The following STK32B variants were observed in gnomAD, a reference collection of about 807,000 sequenced individuals.
STK32B encodes the protein serine/threonine kinase 32B.
In STK32B, 43 loss-of-function variants were observed where a neutral mutation model predicts 52.6. The observed-to-expected ratio is 0.82, with a 90% CI of 0.64 to 1.05. The LOEUF is 1.05. Ranked by LOEUF, STK32B falls within the 50% of genes least tolerant of loss-of-function variation. The pLI is 0.00. For missense variants in STK32B, 621 were observed against 534.6 expected, an observed-to-expected ratio of 1.16 and a Z score of -1.59; for synonymous variants, 238 against 204.3, an observed-to-expected ratio of 1.17 and a Z score of -1.41.
chr4:5,351,066 G>A (rs924043884), intron 4 of STK32B, among the ~76,000 whole-genome samples: 2 of 151,876 alleles, frequency 1.3e-5, no homozygotes, highest in Admixed American at 6.6e-5. Flanking sequence ...CACTTAGACT[G>A]AAAATTAACA....
chr4:5,442,216 C>T (rs1170406973), intron 6 of STK32B, among the ~76,000 whole-genome samples: 2 of 140,974 alleles, frequency 1.4e-5, no homozygotes, highest in African/African-American at 2.6e-5. Flanking sequence ...TTAAAGTCTC[C>T]CATTATTAAT....
intron 6 of STK32B, among the ~76,000 whole-genome samples, chr4:5,442,473 C>G (rs2109112397): frequency 6.6e-6 from 1 of 150,998 alleles, no homozygotes; most frequent in African/African-American, 2.4e-5. Context: ...CTTCCTCCAT[C>G]CTTTTATTTT....
chr4:5,485,019 C>A (rs979904838), intron 11 of STK32B, among the ~76,000 whole-genome samples: 12 of 151,974 alleles, frequency 7.9e-5, no homozygotes, highest in East Asian at 1.9e-4. Flanking sequence ...GCTGCCCTTC[C>A]CATTTTTTCC....
At chr4:5,457,646 T>C (rs1359254330) in intron 8 of STK32B, among the ~76,000 whole-genome samples, 3 of 150,884 alleles carry the variant, frequency 2.0e-5, no homozygotes, top group African/African-American at 7.3e-5. Flanking sequence ...GGTGGGTGGA[T>C]CACATGAGGT....
At position 5,416,905 on chromosome 4, in the gene STK32B, C is replaced by T; in HGVS notation, c.533C>T (p.Ser178Phe). ...ATVVKGAERA[S>F]SMAGTKPYMA... The stretch of plus-strand genomic sequence containing the variant: ...GTAGTGAAAGGAGCAGAAAGGGCTT[C>T]CTCCATGGCTGGCACCAAGCCCTAC... The change falls in exon 6 of 12, where the codon TCC (serine) becomes TTC (phenylalanine). Residue 178 changes from serine (S) to phenylalanine (F), a missense_variant. By Grantham distance (155) the Ser-to-Phe change is radical. Transcript: ENST00000282908. The T allele has an allele frequency of 1.2e-6, 2 of 1,613,770 alleles. No individual in the cohort carries two copies. Among genetic ancestry groups the T allele is most frequent in the Non-Finnish European group, 1.7e-6 (2 of 1,179,854 alleles).
chr4:5,362,008 C>T (rs1263129499), intron 4 of STK32B, among the ~76,000 whole-genome samples: 3 of 152,096 alleles, frequency 2.0e-5, no homozygotes, highest in South Asian at 4.1e-4. Flanking sequence ...CACCATGAAA[C>T]GAACTTGAAA....
rs571815787 is a variant in STK32B, at chr4:5,382,993, G to A, written c.435-15214G>A. On this transcript the variant is annotated intron_variant, in intron 4 of 11. Transcript: ENST00000282908. ...TCCCCTTGGAGGATACTCACAGAGA[G>A]ATTGGGCCCTAAAAATAGCAATTCT... is the stretch of plus-strand genomic sequence containing the variant. Among the ~76,000 whole-genome samples the A allele has an allele frequency of 5.3e-5, 8 of 152,198 alleles. No individual in the cohort carries two copies. The South Asian group carries it at 1.7e-3, about 31-fold the overall frequency.
At chr4:5,041,417 G>A in the STK32B span, among the ~76,000 whole-genome samples, 1 of 152,122 alleles carries the variant, frequency 6.6e-6, no homozygotes, top group African/African-American at 2.4e-5. Flanking sequence ...GACCCAGCCT[G>A]GTTCACAGTA....
chr4:5,325,613 A>T (rs1247200214), intron 3 of STK32B, among the ~76,000 whole-genome samples: 1 of 152,192 alleles, frequency 6.6e-6, no homozygotes, highest in East Asian at 1.9e-4. Flanking sequence ...ATAATTTTTT[A>T]AAAAATAAAA....
Position 5,127,934 on chromosome 4 carries a change from C to G in STK32B, c.53-11971C>G, listed in dbSNP as rs144029900. On this transcript the variant is annotated intron_variant, in intron 1 of 11. Coordinates refer to ENST00000282908, the MANE Select transcript of STK32B (RefSeq NM_018401.3). ...AAAGGAGAGTTCCCCTACACGAGCTCTCTTGCCTGTTACCATATAAGATGT... is the reference window on the plus strand; with the variant it reads ...AAAGGAGAGTTCCCCTACACGAGCTGTCTTGCCTGTTACCATATAAGATGT... Among the ~76,000 whole-genome samples, 631 of 152,344 alleles carry G rather than the reference C, an allele frequency of 4.1e-3. 6 individuals carry two copies. Among genetic ancestry groups the G allele is most frequent in the African/African-American group, 0.014 (595 of 41,582 alleles).
At chr4:5,346,360 G>A (rs1157189816) in intron 4 of STK32B, among the ~76,000 whole-genome samples, 1 of 152,190 alleles carries the variant, frequency 6.6e-6, no homozygotes, top group Non-Finnish European at 1.5e-5. Flanking sequence ...AGTGGCTTTA[G>A]TGGCTTAAAT....
chr4:5,094,462 G>C (rs1483422810), intron 1 of STK32B, among the ~76,000 whole-genome samples: 1 of 152,082 alleles, frequency 6.6e-6, no homozygotes, highest in African/African-American at 2.4e-5. Flanking sequence ...AGTTCAGCTT[G>C]AGCAATATAG....
chr4:5,483,372 C>T (rs1489509046), intron 11 of STK32B, among the ~76,000 whole-genome samples: 3 of 151,938 alleles, frequency 2.0e-5, no homozygotes, highest in South Asian at 2.1e-4. Context: ...AGTTTATTTG[C>T]GTAGAGGTGT....
intron 3 of STK32B, among the ~76,000 whole-genome samples, chr4:5,190,952 G>C (rs763578416): frequency 6.6e-6 from 1 of 152,148 alleles, no homozygotes; most frequent in Non-Finnish European, 1.5e-5. Flanking sequence ...TCCAGAGCCT[G>C]CACTCTCTAC....
At chr4:5,433,885 A>G (rs961104833) in intron 6 of STK32B, among the ~76,000 whole-genome samples, 2 of 152,234 alleles carry the variant, frequency 1.3e-5, no homozygotes, top group Admixed American at 6.5e-5. Context: ...ATCCCACCAC[A>G]TGCACATCTA....
intron 3 of STK32B, among the ~76,000 whole-genome samples, chr4:5,177,992 C>T (rs1230177417): frequency 6.6e-6 from 1 of 152,182 alleles, no homozygotes; most frequent in Non-Finnish European, 1.5e-5. Context: ...ATCTGCCATT[C>T]TGGGGTCTGG....
chr4:5,168,323 A>ATGT lies in STK32B; in HGVS notation c.133_134insTGT (p.Thr45delinsMetSer). ...GGTATGCATCGTGCAGAAGCGAGACACTAAGAAAATGTATGCAATGAAGTA... is the reference window on the plus strand; with the variant it reads ...GGTATGCATCGTGCAGAAGCGAGACATGTCTAAGAAAATGTATGCAATGAAGTA... On this transcript the variant is annotated protein_altering_variant, in exon 3 of 12. Transcript: ENST00000282908. The ATGT allele has an allele frequency of 6.2e-7, 1 of 1,613,888 alleles. No individual in the cohort carries two copies. Among genetic ancestry groups the ATGT allele is most frequent in the Non-Finnish European group, 8.5e-7 (1 of 1,179,958 alleles).
chr4:5,119,242 C>T (rs1461494973), intron 1 of STK32B, among the ~76,000 whole-genome samples: 3 of 152,310 alleles, frequency 2.0e-5, no homozygotes, highest in South Asian at 4.1e-4. Context: ...ATTTCCACAG[C>T]GTTTAGCCAG....
At chr4:5,055,662 C>T (rs1453625930) in intron 1 of STK32B, among the ~76,000 whole-genome samples, 1 of 152,184 alleles carries the variant, frequency 6.6e-6, no homozygotes, top group Non-Finnish European at 1.5e-5. Flanking sequence ...CTCTGTCACT[C>T]CTGGCTCACC....
Sources: gnomAD v4.1 joint callset for allele counts (sites outside exome capture counted in the v4.1 genomes callset) on GRCh38, gnomAD v4.1.1 for gene constraint, MANE v1.5 for transcripts, NCBI Gene and HGNC (gene_info 2026-07-23, HGNC 2026-07-21) for gene names.